SRP19: variants seen among roughly 807,000 people sequenced by gnomAD.
SRP19 encodes the protein signal recognition particle 19 kDa protein.
Under a neutral mutation model 22.4 loss-of-function variants are expected in SRP19, and 11 were observed. The ratio of observed to expected loss-of-function variants is 0.49; its 90% CI spans 0.31 to 0.81. SRP19 has a LOEUF of 0.81. Ranked by LOEUF, SRP19 falls within the 40% of genes least tolerant of loss-of-function variation. SRP19 has a pLI of 0.05. For missense variants in SRP19, 168 were observed against 175.9 expected (o/e 0.96, Z 0.25); for synonymous variants, 61 against 57.6 (o/e 1.06, Z -0.27).
chr5:112,895,691 T>G (rs1379363244), downstream of SRP19: 1 of 152,230 alleles, frequency 6.6e-6, no homozygotes, highest in Non-Finnish European at 1.5e-5. Flanking sequence ...TAAAGTTAAT[T>G]ACTGTTCAAC....
At chr5:112,887,310 G>C in intron 4 of SRP19, 1 of 869,320 alleles carries the variant, frequency 1.2e-6, no homozygotes, top group Non-Finnish European at 1.6e-6. Flanking sequence ...GGCATTACCA[G>C]TGTTTTCTGC....
intron 4 of SRP19, chr5:112,878,405 G>A: frequency 5.2e-6 from 1 of 192,156 alleles, no homozygotes; most frequent in East Asian, 1.3e-4. Flanking sequence ...ACAGGAAGTA[G>A]AACCATAAAG....
Position 112,867,741 on chromosome 5 carries a change from G to T in SRP19, c.*204G>T, listed in dbSNP as rs145413339. On this transcript the variant is annotated 3_prime_UTR_variant, in exon 5 of 5. Transcript: ENST00000505459. ...CATCTCGCGTATATGCCGTATAAAA[G>T]AATTTTTTTGTCTTTCAATGCAGTT... 1,398 of 1,270,338 alleles carry T rather than the reference G, an allele frequency of 1.1e-3. 1 individual carries two copies. The highest frequency in any genetic ancestry group is 1.3e-3 in the Non-Finnish European group (1,262 of 1,007,232). 78.7% of individuals were successfully genotyped at this position (1,270,338 alleles called of 1,614,324 possible). A position where few individuals can be genotyped will look rare whatever the true frequency, so the allele number is the denominator to read the frequency against.
chr5:112,871,462 T>C (rs561586734), downstream of SRP19, among the ~76,000 whole-genome samples: 1 of 151,604 alleles, frequency 6.6e-6, no homozygotes, highest in Non-Finnish European at 1.5e-5. Context: ...TTAAAAAAAT[T>C]TTTTTTTAGA....
At chr5:112,889,819 GA>G (rs1388857226) in intron 4 of SRP19, among the ~76,000 whole-genome samples, 3 of 130,080 alleles carry the variant, frequency 2.3e-5, no homozygotes, top group African/African-American at 3.5e-5. Context: ...ACATCTCTAG[GA>G]AAAAAAAAAT....
downstream of SRP19, chr5:112,893,094 T>TAAAAAAAAA (rs552226372): frequency 4.8e-4 from 239 of 501,238 alleles, no homozygotes; most frequent in Middle Eastern, 2.0e-3. Context: ...GTTTTGTTCT[T>TAAAAAAAAA]AAAAAAAAAA....
chr5:112,871,068 G>A (rs1243748469), downstream of SRP19, among the ~76,000 whole-genome samples: 2 of 151,954 alleles, frequency 1.3e-5, no homozygotes, highest in African/African-American at 4.8e-5. Context: ...TGGCCAGGCT[G>A]GTCTTGAACT....
chr5:112,866,856 G>T (rs1561639652), intron 4 of SRP19, among the ~76,000 whole-genome samples: 1 of 152,202 alleles, frequency 6.6e-6, no homozygotes, highest in Non-Finnish European at 1.5e-5. Context: ...CCTATTTCCA[G>T]TAAGACCCAA....
rs1767658530 is a variant in SRP19 at position 112,867,817 on chromosome 5, T to C, written c.*280T>C. The C allele has an allele frequency of 9.2e-7, 1 of 1,092,268 alleles. No homozygotes were observed. The highest frequency in any genetic ancestry group is 1.6e-5 in the African/African-American group (1 of 61,418). 67.7% of individuals were successfully genotyped at this position (1,092,268 alleles called of 1,614,324 possible). ...GACAATGGACTGTACAATAAGTTACTTGAAATAAGTTGTTTCAGATAAATT... is the reference window on the plus strand; with the variant it reads ...GACAATGGACTGTACAATAAGTTACCTGAAATAAGTTGTTTCAGATAAATT... On this transcript the variant is annotated 3_prime_UTR_variant, in exon 5 of 5. Coordinates refer to ENST00000505459, the MANE Select transcript of SRP19 (RefSeq NM_003135.3).
chr5:112,892,265 G>A (rs764268042), exon 5 of SRP19: 1 of 1,614,092 alleles, frequency 6.2e-7, no homozygotes, highest in Non-Finnish European at 8.5e-7. Context: ...CTTATTAAGA[G>A]CATGTTTACA....
exon 5 of SRP19, chr5:112,892,309 T>C (rs1391468251): frequency 6.2e-7 from 1 of 1,614,110 alleles, no homozygotes; most frequent in South Asian, 1.1e-5. Flanking sequence ...GAGGGATGAC[T>C]ATGACCCTGA....
Position 112,868,291 on chromosome 5 carries a change from G to C in SRP19, c.*754G>C, listed in dbSNP as rs1767673511. 1 of 985,524 alleles carries C rather than the reference G, an allele frequency of 1.0e-6. No homozygotes were observed. Among genetic ancestry groups the C allele is most frequent in the Non-Finnish European group, 1.2e-6 (1 of 829,986 alleles). The allele number at this position is 985,524 out of a possible 1,614,324, so 61.0% of individuals were successfully genotyped here. On this transcript the variant is annotated 3_prime_UTR_variant, in exon 5 of 5. Transcript: ENST00000505459. Reference sequence around the variant, plus strand: ...AATTTCAGAGCGGTTTCTGAAAGTAGTGATTTTGAGCTATCCCAATTCCTG... The same window carrying C: ...AATTTCAGAGCGGTTTCTGAAAGTACTGATTTTGAGCTATCCCAATTCCTG...
downstream of SRP19, among the ~76,000 whole-genome samples, chr5:112,871,088 A>G (rs1385238300): frequency 1.3e-5 from 2 of 152,144 alleles, no homozygotes; most frequent in Non-Finnish European, 2.9e-5. Flanking sequence ...TCCTGACCTC[A>G]TGATACACCA....
intron 4 of SRP19, chr5:112,887,088 C>T (rs1285110102): frequency 1.2e-6 from 2 of 1,613,652 alleles, no homozygotes; most frequent in African/African-American, 2.7e-5. Flanking sequence ...CCATCTGGGA[C>T]TCGTGCTTCA....
chr5:112,878,214 A>G (rs1357630581), intron 4 of SRP19: 1 of 152,896 alleles, frequency 6.5e-6, no homozygotes, highest in Non-Finnish European at 1.5e-5. Flanking sequence ...CACCAGCACA[A>G]TGGTTCCTCC....
chr5:112,893,668 T>G (rs1768576888), downstream of SRP19: 1 of 152,516 alleles, frequency 6.6e-6, no homozygotes, highest in Non-Finnish European at 1.5e-5. Flanking sequence ...TCTAGTAGTC[T>G]CGCTACACAT....
At chr5:112,894,411 C>CT (rs1345060668), downstream of SRP19, 2 of 152,218 alleles carry the variant, frequency 1.3e-5, no homozygotes, top group Non-Finnish European at 2.9e-5. Context: ...CCACTGCACC[C>CT]TGCTGCCTTT....
intron 4 of SRP19, among the ~76,000 whole-genome samples, chr5:112,866,676 G>A (rs1767616711): frequency 6.6e-6 from 1 of 152,150 alleles, no homozygotes; most frequent in Admixed American, 6.5e-5. Context: ...GGATTGGTAG[G>A]TATTGCTAGA....
chr5:112,863,468 G>A (rs1304681790), intron 2 of SRP19, among the ~76,000 whole-genome samples: 1 of 152,102 alleles, frequency 6.6e-6, no homozygotes, highest in East Asian at 1.9e-4. Context: ...CTACCCACTA[G>A]ATGACAGGTC....
Sources: gnomAD v4.1 joint callset for allele counts (sites outside exome capture counted in the v4.1 genomes callset) on GRCh38, gnomAD v4.1.1 for gene constraint, MANE v1.5 for transcripts, NCBI Gene and HGNC (gene_info 2026-07-23, HGNC 2026-07-21) for gene names.